Variants in WNK2 observed in about 807,000 individuals in gnomAD.
WNK2 encodes WNK lysine deficient protein kinase 2.
WNK2 carries 67 observed loss-of-function variants against 192.1 expected under a neutral mutation model. The observed-to-expected ratio is 0.35, with a 90% CI of 0.29 to 0.43. The LOEUF is 0.43. WNK2 is among the 20% of genes least tolerant of loss of function. The pLI is 1.00. For synonymous variants in WNK2, 1,439 were observed against 1,393.9 expected, an observed-to-expected ratio of 1.03 and a Z score of -0.72; for missense variants, 2,698 against 3,089.7, an observed-to-expected ratio of 0.87 and a Z score of 3.01.
At position 93,247,811 on chromosome 9, in the gene WNK2, C is replaced by T. The variant is rs781420468; in HGVS notation, c.1811C>T (p.Pro604Leu). 9.7e-6 allele frequency: 15 copies of T among 1,540,782 alleles called. No homozygotes were observed. The highest frequency in any genetic ancestry group is 4.9e-5 in the East Asian group (2 of 41,058). ...CAGCACCTCCTGCCACCTACGTTGC[C>T]GACCAGCGCCACCTCCCTGGCCTGT... Reference protein sequence around the residue: ...ADQHLLPPTLPTSATSLASDS... With the variant: ...ADQHLLPPTLLTSATSLASDS... Residue 604 changes from proline (P) to leucine (L), a missense_variant, in exon 8 of 30, where the codon CCG becomes CTG. Coordinates refer to ENST00000427277, the MANE Select transcript of WNK2 (RefSeq NM_006648.4). This position sits in a 1 kb window ranked among gnomAD's most constrained non-coding sequence, Gnocchi z 5.2.
intron 2 of WNK2, among the ~76,000 whole-genome samples, chr9:93,206,955 C>G (rs1047193631): frequency 6.6e-6 from 1 of 152,150 alleles, no homozygotes; most frequent in Non-Finnish European, 1.5e-5. Flanking sequence ...AGAGGACTCC[C>G]TGGCCCTGTC....
At chr9:93,224,035 T>C (rs1213831774) in intron 2 of WNK2, among the ~76,000 whole-genome samples, 1 of 152,204 alleles carries the variant, frequency 6.6e-6, no homozygotes, top group Non-Finnish European at 1.5e-5. Flanking sequence ...GGGCCAGTTC[T>C]CTGTGCATGG....
chr9:93,218,022 G>A lies in WNK2; in HGVS notation c.682-11674G>A, dbSNP rs371325267. 1.8e-3 allele frequency among the ~76,000 whole-genome samples: 246 copies of A among 139,618 alleles called. 2 individuals carry two copies. Among genetic ancestry groups the A allele is most frequent in the Non-Finnish European group, 2.9e-3 (186 of 65,190 alleles). 91.6% of individuals were successfully genotyped at this position (139,618 alleles called of 152,430 possible). ...GCTACAGGTCTGGGTATTTCCCTAC[G>A]TTGGGGGGGTGGGGTGGGGGGAAGG... On this transcript the variant is annotated intron_variant, in intron 2 of 29. Transcript: ENST00000427277.
chr9:93,290,718 G>T (rs868251115), intron 21 of WNK2, among the ~76,000 whole-genome samples: 1 of 152,236 alleles, frequency 6.6e-6, no homozygotes, highest in Non-Finnish European at 1.5e-5. Context: ...AGTGCGGTGG[G>T]GGGGGCGCTG....
At chr9:93,198,977 G>A (rs1017005817) in intron 2 of WNK2, among the ~76,000 whole-genome samples, 4 of 152,168 alleles carry the variant, frequency 2.6e-5, no homozygotes, top group Non-Finnish European at 4.4e-5. Flanking sequence ...TCATCCTCTC[G>A]CTGGCTCGGT....
chr9:93,184,450 C>T (rs1828882255), intron 1 of WNK2, among the ~76,000 whole-genome samples, 65 bp downstream of exon 1: 1 of 151,012 alleles, frequency 6.6e-6, no homozygotes, highest in African/African-American at 2.4e-5. Context: ...GCGCTGCAGC[C>T]CCCTCCCCGC....
At position 93,230,362 on chromosome 9, in the gene WNK2, G is replaced by A. The variant is rs554113691; in HGVS notation, c.854+494G>A. On this transcript the variant is annotated intron_variant, in intron 3 of 29. Transcript: ENST00000427277. ...GGCCTCAGTGCCCCTCAGCCGGGCA[G>A]TTTCCGTCATAGGTGGATGCGCTGC... is the stretch of plus-strand genomic sequence containing the variant. Among the ~76,000 whole-genome samples, 8 of 152,300 alleles carry A rather than the reference G, an allele frequency of 5.3e-5. No homozygotes were observed. In the East Asian group the frequency reaches 1.5e-3, roughly 29 times the overall value.
In WNK2 at chr9:93,259,073, G is replaced by T; in HGVS notation, c.2525G>T (p.Ser842Ile). 6.2e-7 allele frequency: 1 copy of T among 1,613,142 alleles called. No homozygotes were observed. The highest frequency in any genetic ancestry group is 8.5e-7 in the Non-Finnish European group (1 of 1,179,766). ...QYFSPAVILP[S>I]LAAPLPPASP... ...TTCTCTCCAGCCGTGATCTTGCCGA[G>T]CCTCGCTGCCCCACTCCCCCCTGCG... Residue 842 changes from serine (S) to isoleucine (I), a missense_variant, in exon 12 of 30, where the codon AGC (serine) becomes ATC (isoleucine). Physicochemically the swap from Ser to Ile is moderately radical, Grantham distance 142. Transcript: ENST00000427277. The surrounding 1 kb of genome is among the most constrained non-coding windows in gnomAD (Gnocchi z 4.8).
intron 1 of WNK2, among the ~76,000 whole-genome samples, 180 bp downstream of exon 1, chr9:93,184,565 G>A (rs1828912214): frequency 6.6e-6 from 1 of 152,264 alleles, no homozygotes; most frequent in African/African-American, 2.4e-5. Flanking sequence ...GCTGCCTCCG[G>A]GACAGCCTAG....
rs991596479 is a variant in WNK2 at position 93,234,756 on chromosome 9, C to A, written c.1076-52C>A. ...AGCTCCCGGGACACTGGCTCCAGCT[C>A]TTCCTGGGCCCGTGGCCAGCTGACA... On this transcript the variant is annotated intron_variant, in intron 4 of 29. Transcript: ENST00000427277. 189 of 1,578,908 alleles carry A rather than the reference C, an allele frequency of 1.2e-4. No homozygotes were observed. The East Asian group carries it at 4.3e-3, about 36-fold the overall frequency.
chr9:93,268,947 C>T, intron 19 of WNK2: 1 of 1,551,742 alleles, frequency 6.4e-7, no homozygotes, highest in Non-Finnish European at 8.7e-7. Context: ...AAAGCAGCCT[C>T]CAGGTTTGAG....
rs549346838 is a variant in WNK2 at position 93,259,645 on chromosome 9, C to G, written c.3066+31C>G. 2.0e-6 allele frequency: 3 copies of G among 1,515,288 alleles called. No individual in the cohort carries two copies. The highest frequency in any genetic ancestry group is 4.2e-5 in the Admixed American group (2 of 48,088). 93.9% of individuals were successfully genotyped at this position (1,515,288 alleles called of 1,614,324 possible). Reference sequence around the variant, plus strand: ...CACCTGCTGGGCAGGGGCTCACCCTCCCAGCGTCTGGGGACCCTCAGGACC... The same window carrying G: ...CACCTGCTGGGCAGGGGCTCACCCTGCCAGCGTCTGGGGACCCTCAGGACC... On this transcript the variant is annotated intron_variant, in intron 12 of 29. Coordinates refer to ENST00000427277, the MANE Select transcript of WNK2 (RefSeq NM_006648.4). The surrounding 1 kb of genome is among the most constrained non-coding windows in gnomAD (Gnocchi z 4.8).
intron 2 of WNK2, among the ~76,000 whole-genome samples, chr9:93,221,571 A>G (rs557582321): frequency 1.3e-5 from 2 of 152,350 alleles, no homozygotes; most frequent in South Asian, 4.1e-4. Flanking sequence ...CAAGAGCTCC[A>G]TCTGGCTCAG....
intron 19 of WNK2, among the ~76,000 whole-genome samples, chr9:93,276,625 G>A (rs1203887657): frequency 6.6e-6 from 1 of 152,208 alleles, no homozygotes; most frequent in Admixed American, 6.5e-5. Flanking sequence ...ACTGTTAAGA[G>A]AATGAAAAGA....
At chr9:93,211,242 T>TCACCCACTCCTC (rs1563997399) in intron 2 of WNK2, among the ~76,000 whole-genome samples, 75 of 2,290 alleles carry the variant, frequency 0.033, 9 homozygotes, top group East Asian at 0.058. Context: ...ACTCACTCAT[T>TCACCCACTCCTC]CACTCACTCA....
chr9:93,249,763 C>T (rs112435345), intron 8 of WNK2, among the ~76,000 whole-genome samples: 97 of 152,142 alleles, frequency 6.4e-4, no homozygotes, highest in African/African-American at 2.0e-3. Flanking sequence ...TGTGAGCCAC[C>T]GCAACCAGCC....
intron 19 of WNK2, among the ~76,000 whole-genome samples, chr9:93,283,687 G>A (rs1180978108): frequency 6.6e-6 from 1 of 152,164 alleles, no homozygotes; most frequent in Non-Finnish European, 1.5e-5. Context: ...TAGTCTTTCA[G>A]GTAGAAAATA....
At chr9:93,288,691 A>G (rs560627490) in intron 19 of WNK2, 97 bp from the exon 20 acceptor site, 31 of 1,257,036 alleles carry the variant, frequency 2.5e-5, no homozygotes, top group African/African-American at 3.0e-5. Flanking sequence ...CGCTGGGGCC[A>G]TGGCCAGCTG....
At chr9:93,292,195 C>CCTGT in intron 21 of WNK2, 113 bp from the exon 22 acceptor site, 1 of 1,073,202 alleles carries the variant, frequency 9.3e-7, no homozygotes. Flanking sequence ...CATTGTCCTG[C>CCTGT]CTGTCTGGAG....
Sources: gnomAD v4.1 joint callset for allele counts (sites outside exome capture counted in the v4.1 genomes callset) on GRCh38, gnomAD v4.1.1 for gene constraint, Gnocchi (gnomAD v3.1) non-coding constraint, MANE v1.5 for transcripts, NCBI Gene and HGNC (gene_info 2026-07-23, HGNC 2026-07-21) for gene names.